LTA4H: variants seen among roughly 807,000 people sequenced by gnomAD.
LTA4H encodes leukotriene A4 hydrolase.
A neutral mutation model predicts 89.8 loss-of-function variants in LTA4H; 59 were observed. That is an observed-to-expected ratio of 0.66 (90% CI 0.53 to 0.82). The LOEUF (loss-of-function observed/expected upper bound fraction) is 0.82. LTA4H is among the 40% of genes least tolerant of loss of function. The pLI, the probability that LTA4H is intolerant of heterozygous loss-of-function variation, is 0.00. For synonymous variants in LTA4H, 227 were observed against 253.1 expected (o/e 0.90, Z 0.98); for missense variants, 617 against 727.0 (o/e 0.85, Z 1.74).
chr12:96,036,401 C>A (rs537821427), upstream of LTA4H, among the ~76,000 whole-genome samples: 1 of 152,204 alleles, frequency 6.6e-6, no homozygotes, highest in East Asian at 1.9e-4. Context: ...GGCTAGGTTT[C>A]GAAGGACCTT....
At chr12:96,017,643 G>T in intron 8 of LTA4H, 63 bp from the exon 9 acceptor site, 3 of 1,197,554 alleles carry the variant, frequency 2.5e-6, no homozygotes, top group Non-Finnish European at 1.2e-6. Flanking sequence ...CTAAAAGACT[G>T]CCTACCTAAA....
intron 15 of LTA4H, 105 bp from the exon 16 acceptor site, chr12:96,006,514 G>T: frequency 1.7e-6 from 1 of 574,332 alleles, no homozygotes; most frequent in Non-Finnish European, 3.0e-6. Flanking sequence ...CCATATGAAT[G>T]AACAAGATTA....
Position 96,009,074 on chromosome 12 carries a change from A to C in LTA4H, c.1434+20T>G. On this transcript the variant is annotated intron_variant, in intron 15 of 18. Coordinates refer to ENST00000228740, the MANE Select transcript of LTA4H (RefSeq NM_000895.3). ...TTGCACAATTCAAAAAGGAATCAAAAATCACACATTATTACTTACAGTAAT... is the reference window on the plus strand; with the variant it reads ...TTGCACAATTCAAAAAGGAATCAAACATCACACATTATTACTTACAGTAAT... 1 of 1,575,750 alleles carries C rather than the reference A, an allele frequency of 6.3e-7. No individual in the cohort carries two copies. The highest frequency in any genetic ancestry group is 8.7e-7 in the Non-Finnish European group (1 of 1,147,470).
chr12:96,035,973 GA>G (rs1950638461), upstream of LTA4H, among the ~76,000 whole-genome samples: 1 of 152,144 alleles, frequency 6.6e-6, no homozygotes, highest in African/African-American at 2.4e-5. Context: ...GGGCGGGGCG[GA>G]GCAAAAACGT....
chr12:96,034,181 TG>T (rs1566018725), intron 1 of LTA4H, among the ~76,000 whole-genome samples: 1 of 152,204 alleles, frequency 6.6e-6, no homozygotes, highest in Admixed American at 6.5e-5. Flanking sequence ...TGCTTATTGA[TG>T]TGCTTTAGTA....
At chr12:96,027,392 C>G in intron 3 of LTA4H, 52 bp downstream of exon 3, 1 of 1,535,632 alleles carries the variant, frequency 6.5e-7, no homozygotes, top group Admixed American at 2.2e-5. Context: ...CTTCATTCAA[C>G]CATAGGTGCT....
chr12:96,036,581 C>T (rs1169267305), upstream of LTA4H, among the ~76,000 whole-genome samples: 1 of 151,924 alleles, frequency 6.6e-6, no homozygotes, highest in African/African-American at 2.4e-5. Flanking sequence ...ATGCTGGGGG[C>T]CTGACATAGG....
At chr12:96,037,180 C>G (rs1050647903), upstream of LTA4H, among the ~76,000 whole-genome samples, 2 of 152,122 alleles carry the variant, frequency 1.3e-5, no homozygotes, top group Non-Finnish European at 2.9e-5. Flanking sequence ...ATTTGAGAAC[C>G]TATGGGAGTG....
Position 96,035,367 on chromosome 12 carries a change from G to A in LTA4H, c.153C>T (p.Arg51=), listed in dbSNP as rs1386654566. ...GGCAGGCGCCCCACTGTACCAGGCTGCGCAGATTGTCCTCCTGAGACTGGA... is the reference window on the plus strand; with the variant it reads ...GGCAGGCGCCCCACTGTACCAGGCTACGCAGATTGTCCTCCTGAGACTGGA... ...LTVQSQEDNL[R]SLVLDTKDLT... is the part of the protein sequence containing the mutation. Residue 51 remains arginine, a synonymous_variant, in exon 1 of 19, where the codon CGC becomes CGT. Coordinates refer to ENST00000228740, the MANE Select transcript of LTA4H (RefSeq NM_000895.3). 6.2e-7 allele frequency: 1 copy of A among 1,608,352 alleles called. No homozygotes were observed. The highest frequency in any genetic ancestry group is 8.5e-7 in the Non-Finnish European group (1 of 1,177,290).
At chr12:96,024,230 C>T (rs968276121) in intron 4 of LTA4H, among the ~76,000 whole-genome samples, 18 of 152,276 alleles carry the variant, frequency 1.2e-4, no homozygotes, top group African/African-American at 3.6e-4. Flanking sequence ...CCACACCTAG[C>T]CCTGAATTCC....
chr12:96,009,832 T>G (rs6538697), intron 14 of LTA4H: 1 of 152,154 alleles, frequency 6.6e-6, no homozygotes, highest in Non-Finnish European at 1.5e-5. Flanking sequence ...TTGCTTGTAC[T>G]GAAATGCTTG....
Position 96,015,605 on chromosome 12 carries a change from C to A in LTA4H, c.1037G>T (p.Gly346Val). ...EKFRHFNALG[G>V]WGELQNSVKT... ...TACCGAATTCTGTAGTTCTCCCCATCCTCCCAGAGCATTAAAATGTCTGAA... is the reference window on the plus strand; with the variant it reads ...TACCGAATTCTGTAGTTCTCCCCATACTCCCAGAGCATTAAAATGTCTGAA... Residue 346 changes from glycine (G) to valine (V), a missense_variant, in exon 11 of 19, where the codon GGA (glycine) becomes GTA (valine). Gly to Val is a moderately radical substitution (Grantham distance 109). Transcript: ENST00000228740. 6.2e-7 allele frequency: 1 copy of A among 1,613,602 alleles called. No homozygotes were observed. The highest frequency in any genetic ancestry group is 8.5e-7 in the Non-Finnish European group (1 of 1,179,612).
upstream of LTA4H, among the ~76,000 whole-genome samples, chr12:96,036,956 C>A (rs1469001548): frequency 6.6e-6 from 1 of 152,172 alleles, no homozygotes; most frequent in Non-Finnish European, 1.5e-5. Flanking sequence ...GGGGCCGGTG[C>A]CACACACTTA....
At chr12:96,009,067 A>C (rs369631151) in intron 15 of LTA4H, 27 bp downstream of exon 15, 1 of 1,535,126 alleles carries the variant, frequency 6.5e-7, no homozygotes, top group Non-Finnish European at 9.0e-7. Context: ...TTCAAAAAGG[A>C]ATCAAAAATC....
rs1950462094 is a variant in LTA4H at position 96,022,280 on chromosome 12, CATAA to C, written c.481-33_481-30del. The stretch of plus-strand genomic sequence containing the variant: ...ATCAAGGAGAAAAATCATTTCTAGT[CATAA>C]ATAAAAGCTTCTATGTGTCTTAAAC... On this transcript the variant is annotated intron_variant, in intron 4 of 18. Transcript: ENST00000228740. This position sits in a 1 kb window ranked among gnomAD's most constrained non-coding sequence, Gnocchi z 4.0. 1 of 1,437,892 alleles carries C rather than the reference CATAA, an allele frequency of 7.0e-7. No individual in the cohort carries two copies. The highest frequency in any genetic ancestry group is 9.8e-7 in the Non-Finnish European group (1 of 1,024,844). 89.1% of individuals were successfully genotyped at this position (1,437,892 alleles called of 1,614,324 possible).
chr12:96,003,160 T>G, intron 17 of LTA4H, 96 bp from the exon 18 acceptor site: 1 of 748,646 alleles, frequency 1.3e-6, no homozygotes, highest in Non-Finnish European at 2.3e-6. Context: ...GTGATATGAA[T>G]AACCCCACTA....
At chr12:96,041,584 TC>T (rs1174558588) in intron 1 of LTA4H, among the ~76,000 whole-genome samples, 1 of 151,980 alleles carries the variant, frequency 6.6e-6, no homozygotes, top group Admixed American at 6.6e-5. Flanking sequence ...GAAATGTGTA[TC>T]CCCCTTTACA....
upstream of LTA4H, among the ~76,000 whole-genome samples, chr12:96,037,200 A>G (rs1271468766): frequency 6.6e-6 from 1 of 152,214 alleles, no homozygotes; most frequent in Admixed American, 6.5e-5. Context: ...GGAAGTGGAG[A>G]TGTCCATGAG....
In LTA4H at chr12:96,000,873, AAAC is replaced by A; in HGVS notation, c.*113_*115del. Reference sequence around the variant, plus strand: ...CTTTATTTCAGTAAAATCACCAACAAAACAATAAAAAGCCAAAACTAAAAAGAC... The same window carrying A: ...CTTTATTTCAGTAAAATCACCAACAAAATAAAAAGCCAAAACTAAAAAGAC... On this transcript the variant is annotated 3_prime_UTR_variant, in exon 19 of 19. Transcript: ENST00000228740. 5.7e-6 allele frequency: 4 copies of A among 704,568 alleles called. No homozygotes were observed. The highest frequency in any genetic ancestry group is 9.7e-6 in the Non-Finnish European group (4 of 411,766). 43.6% of individuals were successfully genotyped at this position (704,568 alleles called of 1,614,324 possible).
Sources: gnomAD v4.1 joint callset for allele counts (sites outside exome capture counted in the v4.1 genomes callset) on GRCh38, gnomAD v4.1.1 for gene constraint, Gnocchi (gnomAD v3.1) non-coding constraint, MANE v1.5 for transcripts, NCBI Gene and HGNC (gene_info 2026-07-23, HGNC 2026-07-21) for gene names.